Variants in MYPN observed in about 807,000 individuals in gnomAD.
MYPN encodes the protein myopalladin.
A neutral mutation model predicts 129.4 loss-of-function variants in MYPN; 63 were observed. The observed-to-expected ratio is 0.49, with a 90% CI of 0.40 to 0.60. The LOEUF is 0.60. Among genes scored for constraint, MYPN ranks in the 20% least tolerant of loss-of-function variants. The pLI is 0.00. For synonymous variants in MYPN, 629 were observed against 600.9 expected (o/e 1.05, Z -0.68); for missense variants, 1,596 against 1,635.4 (o/e 0.98, Z 0.42).
At chr10:68,188,848 G>T (rs976273060) in intron 12 of MYPN, 57 bp from the exon 13 acceptor site, 1 of 1,452,746 alleles carries the variant, frequency 6.9e-7, no homozygotes, top group East Asian at 2.3e-5. Flanking sequence ...CAATTGTACT[G>T]ATGGACATGT....
intron 12 of MYPN, among the ~76,000 whole-genome samples, chr10:68,183,287 C>A (rs1380747636): frequency 2.0e-5 from 3 of 151,990 alleles, no homozygotes; most frequent in Non-Finnish European, 4.4e-5. Flanking sequence ...ATGGCGAAAC[C>A]CCATCTACAA....
intron 3 of MYPN, 43 bp downstream of exon 3, chr10:68,143,158 C>T (rs756865790): frequency 1.9e-6 from 3 of 1,563,326 alleles, no homozygotes; most frequent in South Asian, 1.1e-5. Flanking sequence ...AATAGTAAGA[C>T]ATTTAGTTAT....
At chr10:68,154,285 G>C (rs2042829753) in intron 6 of MYPN, among the ~76,000 whole-genome samples, 1 of 152,230 alleles carries the variant, frequency 6.6e-6, no homozygotes, top group Non-Finnish European at 1.5e-5. Flanking sequence ...TCCTATCACT[G>C]CTCCCACCCC....
rs1001408527 is a variant in MYPN, at chr10:68,161,835, G to T, written c.1483+83G>T. On this transcript the variant is annotated intron_variant, in intron 8 of 19. Coordinates refer to ENST00000358913, the MANE Select transcript of MYPN (RefSeq NM_032578.4). ...ATACATAATGAAGTTACACTGAGATGAATAAAAAGTGAAAAATAAAGTTTT... is the reference window on the plus strand; with the variant it reads ...ATACATAATGAAGTTACACTGAGATTAATAAAAAGTGAAAAATAAAGTTTT... The T allele has an allele frequency of 3.7e-6, 4 of 1,094,992 alleles. No individual in the cohort carries two copies. The East Asian group carries it at 7.5e-5, about 20-fold the overall frequency. The allele number at this position is 1,094,992 out of a possible 1,614,324, so 67.8% of individuals were successfully genotyped here. A position where few individuals can be genotyped will look rare whatever the true frequency, so the allele number is the denominator to read the frequency against.
At chr10:68,138,129 G>A (rs1437903605) in intron 2 of MYPN, among the ~76,000 whole-genome samples, 2 of 141,058 alleles carry the variant, frequency 1.4e-5, no homozygotes, top group African/African-American at 5.3e-5. Flanking sequence ...TTTTTGAGAT[G>A]GAGTCTCACG....
Position 68,207,724 on chromosome 10 carries a change from C to T in MYPN, c.3793+821C>T, listed in dbSNP as rs879286746. Among the ~76,000 whole-genome samples, 40 of 152,160 alleles carry T rather than the reference C, an allele frequency of 2.6e-4. 1 individual carries two copies. The highest frequency in any genetic ancestry group is 6.3e-4 in the African/African-American group (26 of 41,440). On this transcript the variant is annotated intron_variant, in intron 19 of 19. Coordinates refer to ENST00000358913, the MANE Select transcript of MYPN (RefSeq NM_032578.4). ...TAGGCTCCCCTCTCTCGTCCAAAGG[C>T]GGGATTCAAAGTGATACCTTTAAAT...
In MYPN at chr10:68,163,225, G is replaced by A. The variant is rs1163777938; in HGVS notation, c.1483+1473G>A. Among the ~76,000 whole-genome samples the A allele has an allele frequency of 2.6e-5, 4 of 152,198 alleles. No individual in the cohort carries two copies. The South Asian group carries it at 6.2e-4, about 24-fold the overall frequency. On this transcript the variant is annotated intron_variant, in intron 8 of 19. Coordinates refer to ENST00000358913, the MANE Select transcript of MYPN (RefSeq NM_032578.4). Reference sequence around the variant, plus strand: ...TGGGAGGATCACTCAAGCCTTGGAGGTGGAGGTTGCAGTGAGCCAAGATTA... The same window carrying A: ...TGGGAGGATCACTCAAGCCTTGGAGATGGAGGTTGCAGTGAGCCAAGATTA...
intron 2 of MYPN, among the ~76,000 whole-genome samples, chr10:68,123,845 G>A (rs2042287884): frequency 6.6e-6 from 1 of 152,046 alleles, no homozygotes; most frequent in African/African-American, 2.4e-5. Flanking sequence ...CCTAAAAAAG[G>A]TCTCTATGCA....
At chr10:68,208,936 G>A (rs1457456919) in intron 19 of MYPN, among the ~76,000 whole-genome samples, 3 of 152,196 alleles carry the variant, frequency 2.0e-5, no homozygotes, top group Non-Finnish European at 4.4e-5. Flanking sequence ...TGGGAGGAGA[G>A]ACTGCGCAAG....
rs2043197179 is a variant in MYPN at position 68,174,562 on chromosome 10, C to T, written c.2470C>T (p.Gln824Ter). Residue 824 changes from glutamine (Q) to a stop codon, truncating the protein, a stop_gained, in exon 11 of 20, where the codon CAG (glutamine) becomes TAG (stop). Coordinates refer to ENST00000358913, the MANE Select transcript of MYPN (RefSeq NM_032578.4). LOFTEE classifies it high-confidence loss of function. ...TCCTGTCTCTCCTACCAGCCGGATT[C>T]AGAACCCAGTGGCTTTCCTCAGCTC... ...PIPVSPTSRI[Q>*]NPVAFLSSVL... 3 of 1,614,054 alleles carry T rather than the reference C, an allele frequency of 1.9e-6. No individual in the cohort carries two copies. Among genetic ancestry groups the T allele is most frequent in the African/African-American group, 1.3e-5 (1 of 74,944 alleles).
chr10:68,207,010 C>G, intron 19 of MYPN, 107 bp downstream of exon 19: 2 of 1,422,164 alleles, frequency 1.4e-6, no homozygotes, highest in East Asian at 2.6e-5. Flanking sequence ...GTAATCCCAG[C>G]ACTTTGGGAG....
intron 15 of MYPN, among the ~76,000 whole-genome samples, chr10:68,196,483 C>CT (rs71009021): frequency 0.022 from 2,502 of 112,490 alleles, 121 homozygotes; most frequent in African/African-American, 0.065. Context: ...CCTTCTTCTT[C>CT]TTTTTTTTTT....
At chr10:68,148,205 C>G (rs1032336906) in intron 4 of MYPN, 148 bp from the exon 5 acceptor site, 1 of 685,758 alleles carries the variant, frequency 1.5e-6, no homozygotes, top group Non-Finnish European at 2.6e-6. Flanking sequence ...AGCAAAAATG[C>G]CCTTGGTCAA....
intron 1 of MYPN, among the ~76,000 whole-genome samples, chr10:68,110,898 A>G (rs2042072611): frequency 1.3e-5 from 2 of 152,232 alleles, no homozygotes; most frequent in African/African-American, 2.4e-5. Flanking sequence ...AGATAAAATT[A>G]TAGGCCTTAC....
chr10:68,121,892 A>G lies in MYPN; in HGVS notation c.454A>G (p.Asn152Asp), dbSNP rs1341555165. 1.2e-6 allele frequency: 2 copies of G among 1,614,220 alleles called. No individual in the cohort carries two copies. The highest frequency in any genetic ancestry group is 1.7e-6 in the Non-Finnish European group (2 of 1,180,044). ...SETQSKKVFL[N>D]KAADFIEELS... The stretch of plus-strand genomic sequence containing the variant: ...AACCCAGTCCAAAAAAGTATTTTTA[A>G]ATAAGGCTGCCGACTTCATTGAAGA... Residue 152 changes from asparagine to aspartate, a missense_variant, in exon 2 of 20, where the codon AAT (asparagine) becomes GAT (aspartate). Coordinates refer to ENST00000358913, the MANE Select transcript of MYPN (RefSeq NM_032578.4).
intron 12 of MYPN, among the ~76,000 whole-genome samples, chr10:68,185,188 A>G (rs2043401434): frequency 6.6e-6 from 1 of 150,534 alleles, no homozygotes; most frequent in South Asian, 2.1e-4. Flanking sequence ...GAAGGAGGGA[A>G]GGAGGGAAGG....
rs1243443520 is a variant in MYPN at position 68,165,806 on chromosome 10, C to T, written c.1588C>T (p.Leu530=). Residue 530 remains leucine, a synonymous_variant, in exon 9 of 20, where the codon CTG becomes TTG. Transcript: ENST00000358913. ...CGGCACAGTGTCAAGCATTGCACAG[C>T]TGCACGTGAGAGGTAAGGACTCTTT... ...KYGTVSSIAQ[L]HVRGNEDLSN... The T allele has an allele frequency of 1.2e-6, 2 of 1,613,492 alleles. No individual in the cohort carries two copies. Among genetic ancestry groups the T allele is most frequent in the Non-Finnish European group, 1.7e-6 (2 of 1,179,508 alleles).
At chr10:68,149,529 C>G (rs1282887492) in intron 5 of MYPN, among the ~76,000 whole-genome samples, 1 of 152,030 alleles carries the variant, frequency 6.6e-6, no homozygotes, top group Non-Finnish European at 1.5e-5. Context: ...TGAACCCTGG[C>G]CTCAAGCCAT....
At position 68,211,460 on chromosome 10, in the gene MYPN, G is replaced by T. The variant is rs71541556; in HGVS notation, c.*1005G>T. The T allele has an allele frequency of 2.4e-5, 11 of 453,960 alleles. No individual in the cohort carries two copies. The highest frequency in any genetic ancestry group is 4.8e-5 in the Non-Finnish European group (11 of 226,804). 28.1% of individuals were successfully genotyped at this position (453,960 alleles called of 1,614,324 possible). On this transcript the variant is annotated 3_prime_UTR_variant, in exon 20 of 20. Transcript: ENST00000358913. The stretch of plus-strand genomic sequence containing the variant: ...CCCAGCAGAGCAGGGGTTTTGGAAG[G>T]AGAGGTCTTTAATAGCTTTGAAATG...
Sources: allele counts gnomAD v4.1 joint callset (sites outside exome capture counted in the v4.1 genomes callset), GRCh38; gene constraint gnomAD v4.1.1; transcripts MANE v1.5; gene names NCBI Gene and HGNC (gene_info 2026-07-23, HGNC 2026-07-21).